Variants in C9orf72 observed in about 807,000 individuals in gnomAD.
C9orf72 encodes C9orf72-SMCR8 complex subunit.
In C9orf72, 44 loss-of-function variants were observed where a neutral mutation model predicts 51.6. The observed-to-expected ratio is 0.85, with a 90% CI of 0.67 to 1.10. The LOEUF is 1.10. Ranked by LOEUF, C9orf72 falls within the 50% of genes least tolerant of loss-of-function variation. The pLI, the probability that C9orf72 is intolerant of heterozygous loss-of-function variation, is 0.00. For missense variants in C9orf72, 607 were observed against 570.6 expected, an observed-to-expected ratio of 1.06 and a Z score of -0.65; for synonymous variants, 213 against 194.2, an observed-to-expected ratio of 1.10 and a Z score of -0.81.
chr9:27,564,082 T>C (rs9632889), intron 3 of C9orf72, among the ~76,000 whole-genome samples: 3,369 of 146,660 alleles, frequency 0.023, 126 homozygotes, highest in African/African-American at 0.081. Context: ...TAAGCATACA[T>C]AGTATTTCAT....
Position 27,561,668 on chromosome 9 carries a change from T to C in C9orf72, c.601-19A>G, listed in dbSNP as rs1819353231. 4.7e-6 allele frequency: 7 copies of C among 1,484,330 alleles called. No individual in the cohort carries two copies. Among genetic ancestry groups the C allele is most frequent in the Non-Finnish European group, 6.5e-6 (7 of 1,073,574 alleles). 91.9% of individuals were successfully genotyped at this position (1,484,330 alleles called of 1,614,324 possible). On this transcript the variant is annotated intron_variant, in intron 4 of 10. Coordinates refer to ENST00000380003, the MANE Select transcript of C9orf72 (RefSeq NM_018325.5). Reference sequence around the variant, plus strand: ...CAGCTATCTAAAATGCATCAAAAAATAAAAAAATTAGTCTGGCTGTAACAT... The same window carrying C: ...CAGCTATCTAAAATGCATCAAAAAACAAAAAAATTAGTCTGGCTGTAACAT...
rs74450768 is a variant in C9orf72 at position 27,565,454 on chromosome 9, T to C, written c.504+77A>G. 147 of 942,458 alleles carry C rather than the reference T, an allele frequency of 1.6e-4. 1 individual carries two copies. The East Asian group carries it at 3.6e-3, about 23-fold the overall frequency. The allele number at this position is 942,458 out of a possible 1,614,324, so 58.4% of individuals were successfully genotyped here. A position where few individuals can be genotyped will look rare whatever the true frequency, so the allele number is the denominator to read the frequency against. Reference sequence around the variant, plus strand: ...GGCTTATTCGTATGTCTCCAAGGCCTTGACAAATGTAGCCATCAACCTTAT... The same window carrying C: ...GGCTTATTCGTATGTCTCCAAGGCCCTGACAAATGTAGCCATCAACCTTAT... On this transcript the variant is annotated intron_variant, in intron 3 of 10. Transcript: ENST00000380003.
intron 4 of C9orf72, 36 bp downstream of exon 4, chr9:27,562,345 C>G (rs372288918): frequency 7.3e-6 from 8 of 1,092,858 alleles, no homozygotes; most frequent in Non-Finnish European, 1.1e-5. Flanking sequence ...CCCCAAAAAA[C>G]TCATAAAGTG....
chr9:27,556,268 G>T lies in C9orf72; in HGVS notation c.1091+293C>A, dbSNP rs149626025. Reference sequence around the variant, plus strand: ...GGCTGGGGCTGGGGCTGTCTGGTTGGCCACTATTAAGCCCGGTACCTAGAA... The same window carrying T: ...GGCTGGGGCTGGGGCTGTCTGGTTGTCCACTATTAAGCCCGGTACCTAGAA... On this transcript the variant is annotated intron_variant, in intron 8 of 10. Transcript: ENST00000380003. Among the ~76,000 whole-genome samples, 425 of 152,062 alleles carry T rather than the reference G, an allele frequency of 2.8e-3. 2 individuals are homozygous for T. Among genetic ancestry groups the T allele is most frequent in the African/African-American group, 9.9e-3 (412 of 41,454 alleles).
At chr9:27,556,091 C>G (rs1819188629) in intron 8 of C9orf72, among the ~76,000 whole-genome samples, 1 of 148,120 alleles carries the variant, frequency 6.8e-6, no homozygotes. Flanking sequence ...ATATAAAATG[C>G]AAAGTAAAAA....
chr9:27,561,470 T>TTGC (rs1819344777), intron 5 of C9orf72, 115 bp downstream of exon 5: 1 of 1,489,044 alleles, frequency 6.7e-7, no homozygotes, highest in African/African-American at 1.5e-5. Context: ...ATACGTAATG[T>TTGC]CCCTAGAACA....
At chr9:27,565,151 C>T (rs563766405) in intron 3 of C9orf72, among the ~76,000 whole-genome samples, 1 of 152,180 alleles carries the variant, frequency 6.6e-6, no homozygotes, top group East Asian at 1.9e-4. Context: ...AGACAGATAC[C>T]TCAGGGGTAC....
intron 4 of C9orf72, 51 bp from the exon 5 acceptor site, chr9:27,561,700 G>T: frequency 8.8e-7 from 1 of 1,132,534 alleles, no homozygotes; most frequent in South Asian, 1.4e-5. Flanking sequence ...ACATAGTGTT[G>T]AAATAACACT....
In C9orf72 at chr9:27,566,710, A is replaced by G. The variant is rs1356302848; in HGVS notation, c.411T>C (p.His137=). 1 of 1,609,650 alleles carries G rather than the reference A, an allele frequency of 6.2e-7. No individual in the cohort carries two copies. The highest frequency in any genetic ancestry group is 2.2e-5 in the East Asian group (1 of 44,814). Residue 137 remains histidine (H), a synonymous_variant, in exon 2 of 11, where the codon CAT becomes CAC. Transcript: ENST00000380003. The stretch of plus-strand genomic sequence containing the variant: ...TCCATATTCTTCCTTTCCGGATTAT[A>G]TGTGTTAATCTATCAACACACACTC... ...LHRVCVDRLT[H]IIRKGRIWMH...
At chr9:27,565,506 T>A in intron 3 of C9orf72, 25 bp downstream of exon 3, 2 of 1,491,304 alleles carry the variant, frequency 1.3e-6, no homozygotes, top group South Asian at 1.1e-5. Flanking sequence ...AGAAAAACAT[T>A]TGACAGTATG....
At chr9:27,561,265 C>T (rs985445856) in intron 5 of C9orf72, 1 of 1,096,812 alleles carries the variant, frequency 9.1e-7, no homozygotes, top group African/African-American at 1.7e-5. Context: ...TTAAGTTCAT[C>T]TACAGTACAA....
chr9:27,550,201 C>CAT (rs1367156988), intron 9 of C9orf72, among the ~76,000 whole-genome samples: 10 of 149,632 alleles, frequency 6.7e-5, no homozygotes, highest in African/African-American at 2.2e-4. Flanking sequence ...CACACACAAA[C>CAT]ATATATATAT....
chr9:27,551,294 G>A (rs1342468680), intron 8 of C9orf72, among the ~76,000 whole-genome samples: 1 of 152,218 alleles, frequency 6.6e-6, no homozygotes, highest in African/African-American at 2.4e-5. Flanking sequence ...CGACCAGAGT[G>A]AGTAGTAGTA....
chr9:27,556,678 A>G lies in C9orf72; in HGVS notation c.974T>C (p.Ile325Thr), dbSNP rs1487746238. 3.1e-6 allele frequency: 5 copies of G among 1,613,846 alleles called. No homozygotes were observed. The highest frequency in any genetic ancestry group is 4.2e-6 in the Non-Finnish European group (5 of 1,179,890). Residue 325 changes from isoleucine to threonine, a missense_variant, in exon 8 of 11, where the codon ATT (isoleucine) becomes ACT (threonine). By Grantham distance (89) the Ile-to-Thr change is moderately conservative. Transcript: ENST00000380003. ...TCTCATGTATCTACGCTGATTATAA[A>G]TATGTTCATGACAGGGTGGCATCTG... ...VKQMPPCHEH[I>T]YNQRRYMRSE...
At chr9:27,564,151 A>C in intron 3 of C9orf72, among the ~76,000 whole-genome samples, 1 of 135,560 alleles carries the variant, frequency 7.4e-6, no homozygotes, top group East Asian at 2.0e-4. Flanking sequence ...GAAGCTCAAC[A>C]ACACCAAAAA....
chr9:27,548,052 C>A lies in C9orf72; in HGVS notation c.*184G>T. The A allele has an allele frequency of 7.1e-6, 3 of 422,838 alleles. No individual in the cohort carries two copies. The highest frequency in any genetic ancestry group is 2.0e-5 in the African/African-American group (1 of 48,784). The allele number at this position is 422,838 out of a possible 1,614,324, so 26.2% of individuals were successfully genotyped here. A position where few individuals can be genotyped will look rare whatever the true frequency, so the allele number is the denominator to read the frequency against. The stretch of plus-strand genomic sequence containing the variant: ...AGCATAAATCTAGGAAAAGAGACAC[C>A]CAATGTAATGATGCACCTGACATCC... On this transcript the variant is annotated 3_prime_UTR_variant, in exon 11 of 11. Coordinates refer to ENST00000380003, the MANE Select transcript of C9orf72 (RefSeq NM_018325.5).
At position 27,556,697 on chromosome 9, in the gene C9orf72, G is replaced by A. The variant is rs764976547; in HGVS notation, c.955C>T (p.Pro319Ser). 2 of 1,613,814 alleles carry A rather than the reference G, an allele frequency of 1.2e-6. No individual in the cohort carries two copies. Among genetic ancestry groups the A allele is most frequent in the Non-Finnish European group, 1.7e-6 (2 of 1,179,796 alleles). The change falls in exon 8 of 11, where the codon CCA (proline) becomes TCA (serine). Residue 319 changes from proline (P) to serine (S), a missense_variant. Pro to Ser is a moderately conservative substitution (Grantham distance 74). Coordinates refer to ENST00000380003, the MANE Select transcript of C9orf72 (RefSeq NM_018325.5). ...DVDVNTVKQM[P>S]PCHEHIYNQR... ...TTATAAATATGTTCATGACAGGGTGGCATCTGCTTCACAGTATTGACATCC... is the reference window on the plus strand; with the variant it reads ...TTATAAATATGTTCATGACAGGGTGACATCTGCTTCACAGTATTGACATCC...
intron 1 of C9orf72, among the ~76,000 whole-genome samples, chr9:27,567,616 T>C (rs1304230912): frequency 6.6e-6 from 1 of 152,126 alleles, no homozygotes; most frequent in African/African-American, 2.4e-5. Context: ...GTGGGTTGAA[T>C]TGTGTCCCCC....
At chr9:27,552,908 G>A (rs994852905) in intron 8 of C9orf72, among the ~76,000 whole-genome samples, 3 of 152,058 alleles carry the variant, frequency 2.0e-5, no homozygotes, top group African/African-American at 7.2e-5. Flanking sequence ...TATTCATCAA[G>A]GATATTGGCC....
Sources: allele counts gnomAD v4.1 joint callset (sites outside exome capture counted in the v4.1 genomes callset), GRCh38; gene constraint gnomAD v4.1.1; transcripts MANE v1.5; gene names NCBI Gene and HGNC (gene_info 2026-07-23, HGNC 2026-07-21).